Variants in CPED1 observed in about 807,000 individuals in gnomAD.
CPED1 encodes the protein cadherin-like and PC-esterase domain-containing protein 1.
CPED1 carries 114 observed loss-of-function variants against 128.2 expected under a neutral mutation model. The ratio of observed to expected loss-of-function variants is 0.89; its 90% CI spans 0.76 to 1.04. The LOEUF (loss-of-function observed/expected upper bound fraction) is 1.04. Among genes scored for constraint, CPED1 ranks in the 50% least tolerant of loss-of-function variants. The probability of loss-of-function intolerance (pLI) is 0.00; values close to 1 mark genes in which losing one functional copy is unlikely to be tolerated. For synonymous variants in CPED1, 462 were observed against 426.7 expected (o/e 1.08, Z -1.02); for missense variants, 1,211 against 1,207.1 (o/e 1.00, Z -0.05).
At chr7:121,162,901 C>G (rs936733884) in intron 16 of CPED1, among the ~76,000 whole-genome samples, 5 of 152,212 alleles carry the variant, frequency 3.3e-5, no homozygotes, top group Non-Finnish European at 7.3e-5. Context: ...CTACTTACTA[C>G]TGATTGATTT....
intron 16 of CPED1, among the ~76,000 whole-genome samples, chr7:121,215,838 A>G (rs543789393): frequency 1.3e-5 from 2 of 152,206 alleles, no homozygotes; most frequent in South Asian, 2.1e-4. Context: ...GATGTCTTAC[A>G]TATTTTTTAA....
At chr7:121,104,149 TTGTTGC>T (rs140291228) in intron 7 of CPED1, among the ~76,000 whole-genome samples, 2,018 of 152,220 alleles carry the variant, frequency 0.013, 39 homozygotes, top group African/African-American at 0.046. Context: ...TCAACTCTAT[TTGTTGC>T]TGTTAAGACA....
chr7:121,067,746 C>G (rs894251907), intron 5 of CPED1, among the ~76,000 whole-genome samples: 3 of 152,156 alleles, frequency 2.0e-5, no homozygotes, highest in Non-Finnish European at 4.4e-5. Context: ...TAAAAGTGTT[C>G]CTATTTCTCC....
intron 16 of CPED1, among the ~76,000 whole-genome samples, chr7:121,220,368 T>C (rs1797849183): frequency 6.6e-6 from 1 of 152,000 alleles, no homozygotes; most frequent in Non-Finnish European, 1.5e-5. Context: ...ACCTGGAACA[T>C]TTGCTTAACT....
At chr7:121,082,901 T>C (rs943618437) in intron 5 of CPED1, among the ~76,000 whole-genome samples, 3 of 152,356 alleles carry the variant, frequency 2.0e-5, no homozygotes, top group African/African-American at 7.2e-5. Flanking sequence ...TCTATTATTA[T>C]TTATTATTCT....
chr7:121,076,442 CTG>C (rs1485118289), intron 5 of CPED1: 2 of 152,152 alleles, frequency 1.3e-5, no homozygotes, highest in Non-Finnish European at 2.9e-5. Context: ...AGCTGAGAGA[CTG>C]TTACTGCTAT....
At chr7:121,136,227 G>C (rs13232048) in intron 14 of CPED1, 137 bp downstream of exon 14, 2 of 810,338 alleles carry the variant, frequency 2.5e-6, no homozygotes, top group Non-Finnish European at 3.7e-6. Context: ...GAAGTTATTA[G>C]ATTTCCAATG....
chr7:121,043,614 G>C (rs1332237559), intron 3 of CPED1, among the ~76,000 whole-genome samples: 1 of 152,128 alleles, frequency 6.6e-6, no homozygotes, highest in Non-Finnish European at 1.5e-5. Flanking sequence ...GTCTAGGATG[G>C]TGTGCTGCTA....
intron 21 of CPED1, among the ~76,000 whole-genome samples, chr7:121,267,653 A>G (rs1792155517): frequency 6.6e-6 from 1 of 152,030 alleles, no homozygotes; most frequent in Non-Finnish European, 1.5e-5. Context: ...GATATTCATC[A>G]ATGAAAACAG....
intron 6 of CPED1, among the ~76,000 whole-genome samples, chr7:121,098,548 A>T (rs1442186708): frequency 6.6e-6 from 1 of 151,556 alleles, no homozygotes; most frequent in East Asian, 1.9e-4. Flanking sequence ...CCTGAGCAAC[A>T]TAGTGAGAAT....
At chr7:121,102,011 G>A (rs1794861257) in intron 7 of CPED1, among the ~76,000 whole-genome samples, 1 of 152,028 alleles carries the variant, frequency 6.6e-6, no homozygotes, top group Non-Finnish European at 1.5e-5. Flanking sequence ...CTCATCCGTT[G>A]TTTCTTGTAT....
chr7:121,067,877 T>C (rs1357418204), intron 5 of CPED1, among the ~76,000 whole-genome samples: 1 of 152,220 alleles, frequency 6.6e-6, no homozygotes, highest in Non-Finnish European at 1.5e-5. Flanking sequence ...ATGATGAGCA[T>C]TTTTTCATGT....
intron 3 of CPED1, among the ~76,000 whole-genome samples, chr7:121,019,964 G>A (rs1195636242): frequency 1.3e-5 from 2 of 151,982 alleles, no homozygotes; most frequent in Non-Finnish European, 2.9e-5. Context: ...TAAAATCCAA[G>A]TAGTATGTCA....
At chr7:121,003,913 C>T (rs1480173665) in intron 2 of CPED1, among the ~76,000 whole-genome samples, 1 of 152,106 alleles carries the variant, frequency 6.6e-6, no homozygotes, top group Non-Finnish European at 1.5e-5. Flanking sequence ...AGAATGAATG[C>T]CCAGACATAA....
At chr7:121,034,343 G>T (rs1399361107) in intron 3 of CPED1, among the ~76,000 whole-genome samples, 1 of 148,144 alleles carries the variant, frequency 6.8e-6, no homozygotes, top group East Asian at 2.1e-4. Flanking sequence ...TGCCTCCCAG[G>T]TTCAAACGAT....
intron 2 of CPED1, among the ~76,000 whole-genome samples, chr7:121,007,011 A>G (rs1792033361): frequency 6.6e-6 from 1 of 152,142 alleles, no homozygotes; most frequent in Non-Finnish European, 1.5e-5. Context: ...CAGGCACAGG[A>G]AGGCTAGAAG....
chr7:121,020,813 C>A (rs1235004446), intron 3 of CPED1, among the ~76,000 whole-genome samples: 3 of 151,894 alleles, frequency 2.0e-5, no homozygotes, highest in Non-Finnish European at 2.9e-5. Context: ...ATTCATCCCC[C>A]TAACTTCCCA....
At chr7:121,194,048 A>T (rs28589596) in intron 16 of CPED1, among the ~76,000 whole-genome samples, 19,367 of 47,528 alleles carry the variant, frequency 0.41, 4,544 homozygotes, top group Non-Finnish European at 0.42. Flanking sequence ...ATATATATAT[A>T]TTTTTTTTTT....
At chr7:121,124,494 TA>T (rs763384936) in intron 8 of CPED1, 21 bp downstream of exon 8, 5,224 of 1,156,028 alleles carry the variant, frequency 4.5e-3, no homozygotes, top group South Asian at 8.5e-3. Context: ...AATTTTAATT[TA>T]AAAAAAAAAG....
Sources: allele counts gnomAD v4.1 joint callset (sites outside exome capture counted in the v4.1 genomes callset), GRCh38; gene constraint gnomAD v4.1.1; transcripts MANE v1.5; gene names NCBI Gene and HGNC (gene_info 2026-07-23, HGNC 2026-07-21).